The following PHYH variants were observed in gnomAD, a reference collection of about 807,000 sequenced individuals.
PHYH encodes the protein phytanoyl-CoA 2-hydroxylase.
In PHYH, 32 loss-of-function variants were observed where a neutral mutation model predicts 38.5. The observed-to-expected ratio is 0.83, with a 90% CI of 0.63 to 1.12. PHYH has a LOEUF of 1.12. Ranked by LOEUF, PHYH falls within the 50% of genes most tolerant of loss-of-function variation. The pLI is 0.00. For missense variants in PHYH, 426 were observed against 434.8 expected (o/e 0.98, Z 0.18); for synonymous variants, 166 against 157.9 (o/e 1.05, Z -0.38).
chr10:13,291,104 C>CAAAAAAAA (rs367712215), intron 5 of PHYH, among the ~76,000 whole-genome samples: 34 of 76,344 alleles, frequency 4.5e-4, no homozygotes, highest in Admixed American at 6.7e-4. Flanking sequence ...AACTCCATCT[C>CAAAAAAAA]AAAAAAAAAA....
intron 3 of PHYH, chr10:13,295,121 A>C (rs1424850589): frequency 1.1e-5 from 3 of 281,512 alleles, no homozygotes; most frequent in Non-Finnish European, 2.0e-5. Flanking sequence ...CCAGGAGTTC[A>C]AGACCAGCCT....
chr10:13,280,893 A>G, intron 8 of PHYH, 83 bp downstream of exon 8: 1 of 1,330,656 alleles, frequency 7.5e-7, no homozygotes, highest in African/African-American at 1.4e-5. Context: ...TATACTGTCA[A>G]ATAAACTAGG....
At chr10:13,280,211 C>T (rs192076605) in intron 8 of PHYH, among the ~76,000 whole-genome samples, 258 of 152,338 alleles carry the variant, frequency 1.7e-3, no homozygotes, top group African/African-American at 5.8e-3. Flanking sequence ...TTGTGATCTG[C>T]CTGCTTTGGC....
intron 8 of PHYH, among the ~76,000 whole-genome samples, chr10:13,279,266 G>A (rs1467115699): frequency 6.6e-6 from 1 of 152,166 alleles, no homozygotes; most frequent in Non-Finnish European, 1.5e-5. Context: ...CCAAAGTGCT[G>A]GGATTACAGG....
Position 13,294,494 on chromosome 10 carries a change from C to T in PHYH, c.348G>A (p.Lys116=), listed in dbSNP as rs1222538658. The T allele has an allele frequency of 6.8e-6, 11 of 1,614,148 alleles. No homozygotes were observed. Among genetic ancestry groups the T allele is most frequent in the Non-Finnish European group, 9.3e-6 (11 of 1,179,992 alleles). The change falls in exon 4 of 9, where the codon AAG becomes AAA. Residue 116 remains lysine, a synonymous_variant. Coordinates refer to ENST00000263038, the MANE Select transcript of PHYH (RefSeq NM_006214.4). ...GGAAATCCTGGACCTTCGTGATCAT[C>T]TTCTCACTTGGAGCATATTCGGATT... is the stretch of plus-strand genomic sequence containing the variant. ...ISKSEYAPSE[K]MITKVQDFQE... is the part of the protein sequence containing the mutation.
intron 4 of PHYH, 141 bp from the exon 5 acceptor site, chr10:13,292,053 A>G: frequency 1.5e-6 from 1 of 681,810 alleles, no homozygotes; most frequent in South Asian, 1.6e-5. Context: ...CAACATTGCA[A>G]ACAAAGCATG....
chr10:13,297,436 A>AT (rs34856275), intron 2 of PHYH, among the ~76,000 whole-genome samples: 81,974 of 151,798 alleles, frequency 0.54, 22,465 homozygotes, highest in East Asian at 0.78. Context: ...ATATAACCAA[A>AT]TACAAGCTAA....
At position 13,283,834 on chromosome 10, in the gene PHYH, TC is replaced by T; in HGVS notation, c.683del (p.Gly228GlufsTer22). ...GGATCCCGTGGAACATTTTGTTAAC[TC>T]CCCCCTAGAACAAGAGGCAAGTGAA... ...KPHDYPKWEG[G>X]VNKMFHGIQD... On this transcript the variant is annotated frameshift_variant, in exon 7 of 9. Transcript: ENST00000263038. LOFTEE classifies it high-confidence loss of function. 6.2e-7 allele frequency: 1 copy of T among 1,613,370 alleles called. No homozygotes were observed. The highest frequency in any genetic ancestry group is 1.1e-5 in the South Asian group (1 of 91,054).
intron 1 of PHYH, chr10:13,299,703 G>A: frequency 1.6e-6 from 2 of 1,285,414 alleles, no homozygotes. Flanking sequence ...GAGGAGCAGA[G>A]GCCCCCAGGG....
At chr10:13,286,368 C>A (rs1835549628) in intron 6 of PHYH, among the ~76,000 whole-genome samples, 1 of 152,050 alleles carries the variant, frequency 6.6e-6, no homozygotes, top group Non-Finnish European at 1.5e-5. Flanking sequence ...GATGAACAAA[C>A]CATGGTTCAC....
Position 13,288,347 on chromosome 10 carries a change from C to A in PHYH, c.678+13G>T. On this transcript the variant is annotated intron_variant, in intron 6 of 8. Transcript: ENST00000263038. ...GAGATTCGGATCAAGACTCAGCCGC[C>A]GGGCAGACCTACCTCCCACTTGGGG... 2 of 1,612,812 alleles carry A rather than the reference C, an allele frequency of 1.2e-6. No homozygotes were observed. The highest frequency in any genetic ancestry group is 1.7e-6 in the Non-Finnish European group (2 of 1,179,578).
Position 13,278,201 on chromosome 10 carries a change from G to A in PHYH, c.*100C>T. 4.9e-6 allele frequency: 4 copies of A among 814,208 alleles called. No individual in the cohort carries two copies. Among genetic ancestry groups the A allele is most frequent in the Non-Finnish European group, 8.6e-6 (4 of 463,788 alleles). The allele number at this position is 814,208 out of a possible 1,614,324, so 50.4% of individuals were successfully genotyped here. On this transcript the variant is annotated 3_prime_UTR_variant, in exon 9 of 9. Coordinates refer to ENST00000263038, the MANE Select transcript of PHYH (RefSeq NM_006214.4). ...GATACATGTTTTCTGCTTTTAACAA[G>A]TGATAGAAAAGGTTACATCATCTCA...
chr10:13,284,642 G>C (rs1002045914), intron 6 of PHYH, among the ~76,000 whole-genome samples: 10 of 152,160 alleles, frequency 6.6e-5, no homozygotes, highest in Non-Finnish European at 1.5e-4. Context: ...ATTTTTCTGA[G>C]CTCAAAGGCA....
At chr10:13,291,279 G>C (rs748690969) in intron 5 of PHYH, among the ~76,000 whole-genome samples, 6 of 152,120 alleles carry the variant, frequency 3.9e-5, no homozygotes, top group Non-Finnish European at 5.9e-5. Flanking sequence ...TTTGATATAT[G>C]AACAGTTATG....
In PHYH at chr10:13,280,432, G is replaced by A. The variant is rs76130669; in HGVS notation, c.963+544C>T. Reference sequence around the variant, plus strand: ...CAGCTCACTGCAGCCTTGACCTCAAGCTCCAAGTGAGCCTTTCAACTCAGC... The same window carrying A: ...CAGCTCACTGCAGCCTTGACCTCAAACTCCAAGTGAGCCTTTCAACTCAGC... On this transcript the variant is annotated intron_variant, in intron 8 of 8. Coordinates refer to ENST00000263038, the MANE Select transcript of PHYH (RefSeq NM_006214.4). 6.6e-3 allele frequency among the ~76,000 whole-genome samples: 997 copies of A among 152,170 alleles called. 7 individuals are homozygous for A. The highest frequency in any genetic ancestry group is 0.023 in the African/African-American group (948 of 41,516).
intron 1 of PHYH, chr10:13,299,748 G>A (rs996266727): frequency 7.6e-7 from 1 of 1,308,648 alleles, no homozygotes; most frequent in East Asian, 3.2e-5. Context: ...CAATTGCCCC[G>A]ACCCCAGGGC....
chr10:13,290,491 C>T (rs1835680399), intron 5 of PHYH, among the ~76,000 whole-genome samples: 1 of 148,320 alleles, frequency 6.7e-6, no homozygotes, highest in Non-Finnish European at 1.5e-5. Context: ...ATCACATAAA[C>T]CCCTCCTGCA....
chr10:13,293,807 T>C (rs993153618), intron 4 of PHYH, among the ~76,000 whole-genome samples: 11 of 152,266 alleles, frequency 7.2e-5, no homozygotes, highest in African/African-American at 2.6e-4. Context: ...GGTAGACTGT[T>C]GAGTTTTTTT....
Position 13,288,512 on chromosome 10 carries a change from G to T in PHYH, c.526C>A (p.Gln176Lys), listed in dbSNP as rs28939672. 3.7e-6 allele frequency: 6 copies of T among 1,614,162 alleles called. No individual in the cohort carries two copies. The highest frequency in any genetic ancestry group is 5.1e-6 in the Non-Finnish European group (6 of 1,180,036). Residue 176 changes from glutamine (Q) to lysine (K), a missense_variant, in exon 6 of 9, where the codon CAG becomes AAG. Physicochemically the swap from Gln to Lys is moderately conservative, Grantham distance 53 (BLOSUM62 1). Transcript: ENST00000263038. Reference protein sequence around the residue: ...GKKTSRHPLHQDLHYFPFRPS... With the variant: ...GKKTSRHPLHKDLHYFPFRPS... ...CTGAAGGGGAAATAGTGCAGGTCCT[G>T]GTGCAGGGGGTGACGGGACGTCTTC...
Sources: allele counts gnomAD v4.1 joint callset (sites outside exome capture counted in the v4.1 genomes callset), GRCh38; gene constraint gnomAD v4.1.1; transcripts MANE v1.5; gene names NCBI Gene and HGNC (gene_info 2026-07-23, HGNC 2026-07-21).